RALGPS2: variants seen among roughly 807,000 people sequenced by gnomAD.
The protein encoded by RALGPS2 is ras-specific guanine nucleotide-releasing factor RalGPS2.
RALGPS2 carries 43 observed loss-of-function variants against 86.8 expected under a neutral mutation model. The observed-to-expected ratio is 0.50, with a 90% CI of 0.39 to 0.64. The LOEUF is 0.64. Ranked by LOEUF, RALGPS2 falls within the 30% of genes least tolerant of loss-of-function variation. The probability of loss-of-function intolerance (pLI) is 0.00; values close to 1 mark genes in which losing one functional copy is unlikely to be tolerated. For synonymous variants in RALGPS2, 243 were observed against 231.3 expected (o/e 1.05, Z -0.46); for missense variants, 536 against 694.6 (o/e 0.77, Z 2.57).
chr1:178,886,158 T>G (rs553298008), intron 13 of RALGPS2, 38 bp downstream of exon 13: 1 of 1,582,650 alleles, frequency 6.3e-7, no homozygotes, highest in South Asian at 1.2e-5. Context: ...CAATTTAACT[T>G]TAAATAAAAA....
At chr1:178,853,172 C>T (rs1048978210) in intron 8 of RALGPS2, 1 of 985,314 alleles carries the variant, frequency 1.0e-6, no homozygotes, top group African/African-American at 1.7e-5. Context: ...TATTCATTTG[C>T]ATAGCTAGCT....
chr1:178,743,711 T>G (rs930522207), intron 1 of RALGPS2, among the ~76,000 whole-genome samples: 41 of 152,182 alleles, frequency 2.7e-4, no homozygotes, highest in African/African-American at 9.4e-4. Flanking sequence ...AGGAATACTG[T>G]GAATAACTTT....
intron 15 of RALGPS2, 187 bp from the exon 16 acceptor site, chr1:178,893,732 T>G (rs1377789728): frequency 2.2e-6 from 1 of 448,568 alleles, no homozygotes; most frequent in East Asian, 3.6e-5. Flanking sequence ...TTAATAACTT[T>G]CTAATCAACT....
chr1:178,814,110 C>A (rs1655118266), intron 6 of RALGPS2, among the ~76,000 whole-genome samples: 1 of 152,156 alleles, frequency 6.6e-6, no homozygotes, highest in Non-Finnish European at 1.5e-5. Flanking sequence ...TGAATTTTTT[C>A]TTTTACAGTG....
intron 17 of RALGPS2, among the ~76,000 whole-genome samples, chr1:178,899,571 A>G (rs1660078950): frequency 6.6e-6 from 1 of 151,762 alleles, no homozygotes; most frequent in South Asian, 2.1e-4. Context: ...GCAACCGAAA[A>G]AGGATTAAAA....
At chr1:178,767,461 T>C (rs76508168) in intron 1 of RALGPS2, among the ~76,000 whole-genome samples, 4,933 of 151,436 alleles carry the variant, frequency 0.033, 144 homozygotes, top group East Asian at 0.09. Flanking sequence ...GAGTCTAGTC[T>C]GCTCTTGGGT....
chr1:178,788,875 C>G (rs1313100965), intron 4 of RALGPS2, among the ~76,000 whole-genome samples: 1 of 74,860 alleles, frequency 1.3e-5, no homozygotes, highest in East Asian at 3.0e-4. Context: ...CTTTTCTTTT[C>G]TTTTCTTTCT....
intron 2 of RALGPS2, among the ~76,000 whole-genome samples, chr1:178,780,518 ATTAAAT>A (rs1653338459): frequency 6.6e-6 from 1 of 152,152 alleles, no homozygotes; most frequent in South Asian, 2.1e-4. Context: ...TTGCCTACTA[ATTAAAT>A]TTAAATGCCC....
chr1:178,890,666 C>G (rs935541007), intron 14 of RALGPS2, among the ~76,000 whole-genome samples: 7 of 151,804 alleles, frequency 4.6e-5, no homozygotes, highest in Non-Finnish European at 1.0e-4. Flanking sequence ...TTTTATGTGA[C>G]TTCATAAAGA....
chr1:178,853,811 A>T (rs375883322), intron 8 of RALGPS2: 2 of 1,518,586 alleles, frequency 1.3e-6, no homozygotes, highest in Non-Finnish European at 1.8e-6. Context: ...ATCATTTATT[A>T]TCAGCAAACT....
intron 6 of RALGPS2, among the ~76,000 whole-genome samples, chr1:178,816,896 A>G (rs1480553155): frequency 6.6e-6 from 1 of 151,720 alleles, no homozygotes; most frequent in Non-Finnish European, 1.5e-5. Flanking sequence ...TTTAGTAGAG[A>G]TGGGGTTTCA....
At chr1:178,749,580 G>T (rs1178639876) in intron 1 of RALGPS2, among the ~76,000 whole-genome samples, 1 of 152,176 alleles carries the variant, frequency 6.6e-6, no homozygotes, top group Non-Finnish European at 1.5e-5. Flanking sequence ...TGAAACGTTG[G>T]CCCCTAATAT....
At chr1:178,725,785 G>C (rs975049454) in intron 1 of RALGPS2, 30 of 152,248 alleles carry the variant, frequency 2.0e-4, no homozygotes, top group Non-Finnish European at 3.8e-4. Flanking sequence ...CTGTTCTGGC[G>C]CCCAGCGGCG....
At chr1:178,818,604 A>AGTTCCATTAGGAGT (rs71902052) in intron 6 of RALGPS2, among the ~76,000 whole-genome samples, 7,964 of 152,156 alleles carry the variant, frequency 0.052, 732 homozygotes, top group African/African-American at 0.18. Flanking sequence ...CAGTAAAGTA[A>AGTTCCATTAGGAGT]GTTCCATTAG....
At chr1:178,861,561 G>T (rs138129913) in intron 8 of RALGPS2, among the ~76,000 whole-genome samples, 1 of 151,998 alleles carries the variant, frequency 6.6e-6, no homozygotes, top group East Asian at 1.9e-4. Flanking sequence ...AATGTGAATA[G>T]TGATTTCTGC....
chr1:178,888,529 A>G (rs1158333118), intron 13 of RALGPS2, among the ~76,000 whole-genome samples: 1 of 152,116 alleles, frequency 6.6e-6, no homozygotes, highest in South Asian at 2.1e-4. Context: ...TCATGCTTAC[A>G]TTTTCTACAA....
chr1:178,741,352 T>G (rs1439304480), intron 1 of RALGPS2, among the ~76,000 whole-genome samples: 1 of 152,234 alleles, frequency 6.6e-6, no homozygotes, highest in African/African-American at 2.4e-5. Context: ...CGGGCAGAAA[T>G]AGAATTCAAA....
chr1:178,776,969 A>C (rs1653123487), intron 2 of RALGPS2, 148 bp downstream of exon 2: 2 of 612,490 alleles, frequency 3.3e-6, no homozygotes, highest in Non-Finnish European at 5.5e-6. Flanking sequence ...TTTTTTTTAT[A>C]CTTTAAGTTT....
At position 178,757,727 on chromosome 1, in the gene RALGPS2, A is replaced by T. The variant is rs564914541; in HGVS notation, c.-83-18955A>T. On this transcript the variant is annotated intron_variant, in intron 1 of 19. Transcript: ENST00000367635. The stretch of plus-strand genomic sequence containing the variant: ...GTTGAAGATTTTTACGTTTATGTTC[A>T]TCAGGGATATTGGCCTGCAGTTTAC... Among the ~76,000 whole-genome samples, 43 of 152,104 alleles carry T rather than the reference A, an allele frequency of 2.8e-4. 1 individual carries two copies. Among genetic ancestry groups the T allele is most frequent in the Non-Finnish European group, 4.1e-4 (28 of 68,012 alleles).
Sources: allele counts gnomAD v4.1 joint callset (sites outside exome capture counted in the v4.1 genomes callset), GRCh38; gene constraint gnomAD v4.1.1; transcripts MANE v1.5; gene names NCBI Gene and HGNC (gene_info 2026-07-23, HGNC 2026-07-21).